The following IQCB1 variants were observed in gnomAD, a reference collection of about 807,000 sequenced individuals.
The protein encoded by IQCB1 is IQ calmodulin-binding motif-containing protein 1.
Under a neutral mutation model 84.4 loss-of-function variants are expected in IQCB1, and 56 were observed. That is an observed-to-expected ratio of 0.66 (90% CI 0.54 to 0.83). The LOEUF (loss-of-function observed/expected upper bound fraction) is 0.83. Ranked by LOEUF, IQCB1 falls within the 40% of genes least tolerant of loss-of-function variation. The probability of loss-of-function intolerance (pLI) is 0.00; values close to 1 mark genes in which losing one functional copy is unlikely to be tolerated. For synonymous variants in IQCB1, 210 were observed against 234.8 expected (o/e 0.89, Z 0.96); for missense variants, 629 against 682.1 (o/e 0.92, Z 0.87).
chr3:121,827,632 A>G (rs1950505620), intron 4 of IQCB1, among the ~76,000 whole-genome samples: 1 of 152,118 alleles, frequency 6.6e-6, no homozygotes, highest in South Asian at 2.1e-4. Flanking sequence ...AGAATATCAC[A>G]TATATTTTTC....
rs145008871 is a variant in IQCB1 at position 121,814,511 on chromosome 3, C to T, written c.394-5502G>A. 4.4e-3 allele frequency among the ~76,000 whole-genome samples: 669 copies of T among 151,778 alleles called. 6 individuals are homozygous for T. The highest frequency in any genetic ancestry group is 0.015 in the African/African-American group (631 of 41,420). ...TTCTGAAAAGATTAACAAAATAGACCGCTAGCCAGACTAATAAAAAAGAAA... is the reference window on the plus strand; with the variant it reads ...TTCTGAAAAGATTAACAAAATAGACTGCTAGCCAGACTAATAAAAAAGAAA... On this transcript the variant is annotated intron_variant, in intron 5 of 14. Coordinates refer to ENST00000310864, the MANE Select transcript of IQCB1 (RefSeq NM_001023570.4).
chr3:121,804,611 GT>G (rs1316018188), intron 7 of IQCB1, among the ~76,000 whole-genome samples: 2 of 152,042 alleles, frequency 1.3e-5, no homozygotes, highest in African/African-American at 4.8e-5. Flanking sequence ...TCTATATAAT[GT>G]TTTTTCATCT....
chr3:121,795,177 A>C (rs72959222), intron 10 of IQCB1, among the ~76,000 whole-genome samples: 4 of 152,178 alleles, frequency 2.6e-5, no homozygotes, highest in African/African-American at 9.6e-5. Context: ...GGGTTTAATA[A>C]TATAACTATC....
intron 11 of IQCB1, among the ~76,000 whole-genome samples, chr3:121,788,753 C>T (rs971835306): frequency 6.6e-6 from 1 of 151,450 alleles, no homozygotes; most frequent in South Asian, 2.1e-4. Flanking sequence ...TCATTCAGTA[C>T]CACCAGAGGG....
At position 121,770,217 on chromosome 3, in the gene IQCB1, G is replaced by C; in HGVS notation, c.*128C>G. The C allele has an allele frequency of 1.5e-6, 1 of 672,206 alleles. No homozygotes were observed. The highest frequency in any genetic ancestry group is 2.7e-6 in the Non-Finnish European group (1 of 377,290). 41.6% of individuals were successfully genotyped at this position (672,206 alleles called of 1,614,324 possible). On this transcript the variant is annotated 3_prime_UTR_variant, in exon 15 of 15. Coordinates refer to ENST00000310864, the MANE Select transcript of IQCB1 (RefSeq NM_001023570.4). ...AGAATATAACTCTTTGCTTACTGCA[G>C]GTCTTGTCTGGAGGAGAACCTCTGG... is the stretch of plus-strand genomic sequence containing the variant.
intron 6 of IQCB1, among the ~76,000 whole-genome samples, chr3:121,807,802 G>A (rs771731445): frequency 2.6e-5 from 4 of 151,806 alleles, no homozygotes; most frequent in Non-Finnish European, 5.9e-5. Flanking sequence ...ATAAGGAAAC[G>A]GAAATGGCAC....
chr3:121,833,417 C>T (rs938365933), intron 2 of IQCB1, among the ~76,000 whole-genome samples: 4 of 152,172 alleles, frequency 2.6e-5, no homozygotes, highest in Non-Finnish European at 5.9e-5. Flanking sequence ...ATAGAGAAAG[C>T]TCAGATTTAT....
At chr3:121,776,670 A>G (rs1181448565) in intron 13 of IQCB1, among the ~76,000 whole-genome samples, 1 of 152,188 alleles carries the variant, frequency 6.6e-6, no homozygotes, top group Non-Finnish European at 1.5e-5. Flanking sequence ...TTGGCCTCCC[A>G]AAGTGTTAGG....
At chr3:121,816,237 AC>A (rs1386127451) in intron 5 of IQCB1, among the ~76,000 whole-genome samples, 9 of 152,250 alleles carry the variant, frequency 5.9e-5, no homozygotes, top group African/African-American at 1.9e-4. Context: ...CTGAAACTGG[AC>A]CCCTTCCTTA....
At chr3:121,830,621 A>G (rs904623434) in intron 2 of IQCB1, among the ~76,000 whole-genome samples, 1 of 152,162 alleles carries the variant, frequency 6.6e-6, no homozygotes, top group African/African-American at 2.4e-5. Flanking sequence ...ATATACATAT[A>G]TATGTTTTTG....
chr3:121,798,578 T>C (rs1486197573), intron 8 of IQCB1, among the ~76,000 whole-genome samples: 1 of 151,934 alleles, frequency 6.6e-6, no homozygotes, highest in Non-Finnish European at 1.5e-5. Context: ...ATCTATCCCA[T>C]AGGATTGTTG....
At chr3:121,788,904 G>A (rs1002404628) in intron 11 of IQCB1, among the ~76,000 whole-genome samples, 18 of 152,224 alleles carry the variant, frequency 1.2e-4, no homozygotes, top group Non-Finnish European at 2.6e-4. Context: ...CAGTATATAT[G>A]TGACAGAATA....
At chr3:121,803,262 C>T (rs1949479329) in intron 7 of IQCB1, among the ~76,000 whole-genome samples, 1 of 152,032 alleles carries the variant, frequency 6.6e-6, no homozygotes, top group Non-Finnish European at 1.5e-5. Flanking sequence ...TGCCATGCTG[C>T]CCAGGCTGGT....
chr3:121,824,742 A>G (rs943086049), intron 5 of IQCB1, among the ~76,000 whole-genome samples: 1 of 152,188 alleles, frequency 6.6e-6, no homozygotes, highest in Non-Finnish European at 1.5e-5. Flanking sequence ...ATATAGAACT[A>G]AAGACAGAAT....
intron 8 of IQCB1, 105 bp downstream of exon 8, chr3:121,799,091 G>T: frequency 1.3e-6 from 1 of 776,988 alleles, no homozygotes; most frequent in Non-Finnish European, 2.2e-6. Context: ...TATCTACATA[G>T]GTCAGTTATC....
intron 13 of IQCB1, among the ~76,000 whole-genome samples, chr3:121,773,313 T>TAAA (rs57716745): frequency 0.03 from 3,161 of 104,286 alleles, 186 homozygotes; most frequent in African/African-American, 0.11. Context: ...GACTCTGCCT[T>TAAA]AAAAAAAAAA....
rs141742371 is a variant in IQCB1, at chr3:121,828,692, T to C, written c.101-60A>G. The C allele has an allele frequency of 6.4e-5, 79 of 1,226,634 alleles. No homozygotes were observed. In the East Asian group the frequency reaches 1.8e-3, roughly 28 times the overall value. The allele number at this position is 1,226,634 out of a possible 1,614,324, so 76.0% of individuals were successfully genotyped here. ...GCTTAATACATCCAGGAGCTATTTGTATTTTTATATGTTGAATAATCACTA... is the reference window on the plus strand; with the variant it reads ...GCTTAATACATCCAGGAGCTATTTGCATTTTTATATGTTGAATAATCACTA... On this transcript the variant is annotated intron_variant, in intron 3 of 14. Transcript: ENST00000310864.
In IQCB1 at chr3:121,772,649, T is replaced by C; in HGVS notation, c.1475A>G (p.His492Arg). Residue 492 changes from histidine to arginine, a missense_variant, in exon 14 of 15, where the codon CAC (histidine) becomes CGC (arginine). His to Arg is a conservative substitution (Grantham distance 29). Coordinates refer to ENST00000310864, the MANE Select transcript of IQCB1 (RefSeq NM_001023570.4). ...TTCTAGGGCCCTGCCCATAAAGTAG[T>C]GTTGCAGTCGTTCTTGAGCTTGGGC... ...LHAQAQERLQHYFMGRALEER... is the reference protein window; with the variant it reads ...LHAQAQERLQRYFMGRALEER... 6.2e-7 allele frequency: 1 copy of C among 1,614,200 alleles called. No individual in the cohort carries two copies. The highest frequency in any genetic ancestry group is 8.5e-7 in the Non-Finnish European group (1 of 1,180,020).
At chr3:121,809,969 C>T (rs534275420) in intron 5 of IQCB1, among the ~76,000 whole-genome samples, 3 of 149,422 alleles carry the variant, frequency 2.0e-5, no homozygotes, top group African/African-American at 7.3e-5. Flanking sequence ...CCATAAGAAA[C>T]GTCACATTAG....
Sources: allele counts gnomAD v4.1 joint callset (sites outside exome capture counted in the v4.1 genomes callset), GRCh38; gene constraint gnomAD v4.1.1; transcripts MANE v1.5; gene names NCBI Gene and HGNC (gene_info 2026-07-23, HGNC 2026-07-21).